Variants in DAP observed in about 807,000 individuals in gnomAD.
The protein encoded by DAP is death associated protein, also known as death-associated protein 1.
A neutral mutation model predicts 13.8 loss-of-function variants in DAP; 8 were observed. The observed-to-expected ratio is 0.58, with a 90% confidence interval of 0.34 to 1.05. The LOEUF is 1.05. Among genes scored for constraint, DAP ranks in the 50% least tolerant of loss-of-function variants. The pLI is 0.03. For synonymous variants in DAP, 47 were observed against 47.5 expected, an observed-to-expected ratio of 0.99 and a Z score of 0.04; for missense variants, 106 against 133.2, an observed-to-expected ratio of 0.80 and a Z score of 1.01.
chr5:10,730,579 AGGGGGAATCTTTCTGTACTGAGAGC>A, intron 2 of DAP, among the ~76,000 whole-genome samples: 1 of 73,540 alleles, frequency 1.4e-5, no homozygotes, highest in Non-Finnish European at 2.5e-5. Flanking sequence ...AGCCCGGGTC[AGGGGGAATCTTTCTGTACTGAGAGC>A]CCGGGTCGGG....
At chr5:10,714,945 C>T (rs1738945421) in intron 2 of DAP, among the ~76,000 whole-genome samples, 1 of 152,170 alleles carries the variant, frequency 6.6e-6, no homozygotes, top group Non-Finnish European at 1.5e-5. Context: ...GTTCGGCCTG[C>T]AGAACCATGA....
At chr5:10,730,181 G>A (rs548970688) in intron 2 of DAP, among the ~76,000 whole-genome samples, 10 of 152,362 alleles carry the variant, frequency 6.6e-5, no homozygotes, top group Admixed American at 3.9e-4. Flanking sequence ...GCTGCCCTGT[G>A]AGAAGAGGGA....
intron 2 of DAP, among the ~76,000 whole-genome samples, chr5:10,697,915 C>T (rs138035189): frequency 7.2e-5 from 11 of 152,210 alleles, no homozygotes; most frequent in African/African-American, 2.6e-4. Flanking sequence ...GGATACTTTC[C>T]AGCCAGGTGT....
At chr5:10,732,631 T>C (rs868706323) in intron 2 of DAP, among the ~76,000 whole-genome samples, 1 of 152,238 alleles carries the variant, frequency 6.6e-6, no homozygotes, top group Non-Finnish European at 1.5e-5. Flanking sequence ...GGGATGAACA[T>C]TCATGTACAA....
intron 2 of DAP, among the ~76,000 whole-genome samples, chr5:10,717,269 G>T (rs934494189): frequency 1.3e-5 from 2 of 152,210 alleles, no homozygotes; most frequent in African/African-American, 4.8e-5. Flanking sequence ...CTCCTGTAGA[G>T]AAAGAGCTGA....
intron 1 of DAP, among the ~76,000 whole-genome samples, chr5:10,749,551 A>G (rs1474538964): frequency 6.6e-6 from 1 of 152,156 alleles, no homozygotes; most frequent in African/African-American, 2.4e-5. Flanking sequence ...CTTTATGGCT[A>G]ATATGTTAAT....
chr5:10,701,360 G>A (rs946567429), intron 2 of DAP, among the ~76,000 whole-genome samples: 1 of 152,174 alleles, frequency 6.6e-6, no homozygotes, highest in Non-Finnish European at 1.5e-5. Flanking sequence ...TCAAGCTCAA[G>A]ATGCAATCTG....
At chr5:10,751,696 T>C (rs1358789696) in intron 1 of DAP, among the ~76,000 whole-genome samples, 3 of 152,096 alleles carry the variant, frequency 2.0e-5, no homozygotes, top group Non-Finnish European at 4.4e-5. Context: ...GGAATTGAGG[T>C]AGGGCTCTAA....
chr5:10,689,203 A>C (rs1162926053), intron 2 of DAP, among the ~76,000 whole-genome samples: 1 of 152,122 alleles, frequency 6.6e-6, no homozygotes, highest in Non-Finnish European at 1.5e-5. Context: ...ACGGAAGCTG[A>C]GGCCTAGAAA....
In DAP at chr5:10,680,358, G is replaced by A; in HGVS notation, c.*698C>T. ...CCTGGTGGAGCCTGTCTGGGCTGAG[G>A]CGATGCTGGGCTTGCCGTGCCGAGA... On this transcript the variant is annotated 3_prime_UTR_variant, in exon 4 of 4. Transcript: ENST00000230895. The A allele has an allele frequency of 3.8e-6, 1 of 263,198 alleles. No individual in the cohort carries two copies. The allele number at this position is 263,198 out of a possible 1,614,324, so 16.3% of individuals were successfully genotyped here. A position where few individuals can be genotyped will look rare whatever the true frequency, so the allele number is the denominator to read the frequency against.
At chr5:10,757,509 G>C (rs1019186236) in intron 1 of DAP, among the ~76,000 whole-genome samples, 14 of 152,134 alleles carry the variant, frequency 9.2e-5, no homozygotes, top group Non-Finnish European at 1.8e-4. Context: ...CCTGAGCTCA[G>C]GTGCTCTCCC....
At chr5:10,717,190 T>C (rs1739011689) in intron 2 of DAP, among the ~76,000 whole-genome samples, 1 of 152,202 alleles carries the variant, frequency 6.6e-6, no homozygotes, top group Admixed American at 6.5e-5. Flanking sequence ...TCAGGGATTC[T>C]GTCTCCGGGC....
At position 10,693,983 on chromosome 5, in the gene DAP, A is replaced by G. The variant is rs751174496; in HGVS notation, c.153-10412T>C. On this transcript the variant is annotated intron_variant, in intron 2 of 3. Coordinates refer to ENST00000230895, the MANE Select transcript of DAP (RefSeq NM_004394.3). ...GATGTTCTATTTTACGGAGGAAGAA[A>G]TGGTGCCTCAGAGAGGCTGGAACCT... Among the ~76,000 whole-genome samples, 152 of 152,198 alleles carry G rather than the reference A, an allele frequency of 1.0e-3. 1 individual carries two copies. Among genetic ancestry groups the G allele is most frequent in the Admixed American group, 5.4e-3 (82 of 15,290 alleles).
chr5:10,718,233 T>C (rs1057064219), intron 2 of DAP, among the ~76,000 whole-genome samples: 5 of 152,212 alleles, frequency 3.3e-5, no homozygotes, highest in South Asian at 2.1e-4. Context: ...TCAGTTAAAG[T>C]AGGGGCTTAT....
chr5:10,732,787 A>G (rs1739498212), intron 2 of DAP, among the ~76,000 whole-genome samples: 1 of 152,200 alleles, frequency 6.6e-6, no homozygotes, highest in African/African-American at 2.4e-5. Context: ...TTGTTTTAAA[A>G]ATATTTTTAT....
chr5:10,706,775 A>AGAG (rs1738706855), intron 2 of DAP, among the ~76,000 whole-genome samples: 1 of 152,252 alleles, frequency 6.6e-6, no homozygotes, highest in Admixed American at 6.5e-5. Flanking sequence ...TACCTAATGA[A>AGAG]GAGGCCAACA....
intron 2 of DAP, among the ~76,000 whole-genome samples, chr5:10,711,414 C>T (rs952231627): frequency 1.3e-5 from 2 of 152,204 alleles, no homozygotes; most frequent in South Asian, 2.1e-4. Flanking sequence ...GTGGTCTCAC[C>T]GGGGCGTAAC....
At chr5:10,757,629 G>A (rs1233120278) in intron 1 of DAP, among the ~76,000 whole-genome samples, 3 of 152,156 alleles carry the variant, frequency 2.0e-5, no homozygotes, top group Non-Finnish European at 2.9e-5. Context: ...AAGATGACTG[G>A]TGATTTCATG....
At position 10,735,707 on chromosome 5, in the gene DAP, T is replaced by TTTTCTGCTG. The variant is rs1173378878; in HGVS notation, c.152+12467_152+12468insCAGCAGAAA. Among the ~76,000 whole-genome samples the TTTTCTGCTG allele has an allele frequency of 3.7e-3, 567 of 152,306 alleles. 2 individuals are homozygous for TTTTCTGCTG. The highest frequency in any genetic ancestry group is 0.013 in the African/African-American group (552 of 41,564). ...TCAGGAAAATGGGCTGCTGCAGTGCTCAGCCTGAGCAACAGTAAACACTGG... is the reference window on the plus strand; with the variant it reads ...TCAGGAAAATGGGCTGCTGCAGTGCTTTTCTGCTGCAGCCTGAGCAACAGTAAACACTGG... On this transcript the variant is annotated intron_variant, in intron 2 of 3. Transcript: ENST00000230895.
Sources: allele counts gnomAD v4.1 joint callset (sites outside exome capture counted in the v4.1 genomes callset), GRCh38; gene constraint gnomAD v4.1.1; transcripts MANE v1.5; gene names NCBI Gene and HGNC (gene_info 2026-07-23, HGNC 2026-07-21).